DPP10: variants seen among roughly 807,000 people sequenced by gnomAD.
DPP10 encodes dipeptidyl peptidase like 10, also known as inactive dipeptidyl peptidase 10.
Under a neutral mutation model 120.9 loss-of-function variants are expected in DPP10, and 33 were observed. The ratio of observed to expected loss-of-function variants is 0.27; its 90% CI spans 0.21 to 0.37. DPP10 has a LOEUF of 0.37. Among genes scored for constraint, DPP10 ranks in the 10% least tolerant of loss-of-function variants. DPP10 has a pLI of 1.00. For missense variants in DPP10, 816 were observed against 942.8 expected (o/e 0.87, Z 1.76); for synonymous variants, 337 against 326.1 (o/e 1.03, Z -0.36).
chr2:115,786,364 G>A (rs1421939439), intron 17 of DPP10, among the ~76,000 whole-genome samples: 4 of 152,128 alleles, frequency 2.6e-5, no homozygotes, highest in African/African-American at 7.2e-5. Flanking sequence ...GGGGCAGACT[G>A]GAATTGGATT....
intron 3 of DPP10, among the ~76,000 whole-genome samples, chr2:115,421,056 A>T (rs2069902191): frequency 6.6e-6 from 1 of 151,440 alleles, no homozygotes; most frequent in Non-Finnish European, 1.5e-5. Flanking sequence ...CCAGAAGGCA[A>T]CCTTTCTACC....
intron 1 of DPP10, among the ~76,000 whole-genome samples, chr2:115,299,365 T>C (rs963034638): frequency 5.3e-5 from 8 of 151,898 alleles, no homozygotes; most frequent in South Asian, 2.1e-4. Flanking sequence ...AACAGGAAAG[T>C]ATGGTGTCAC....
At chr2:115,015,086 G>A (rs575937793) in intron 1 of DPP10, among the ~76,000 whole-genome samples, 6 of 152,126 alleles carry the variant, frequency 3.9e-5, no homozygotes, top group East Asian at 1.9e-4. Context: ...GATGAACATC[G>A]ATGCGAAAAT....
chr2:114,995,973 A>G (rs891865376), intron 1 of DPP10, among the ~76,000 whole-genome samples: 2 of 152,242 alleles, frequency 1.3e-5, no homozygotes, highest in African/African-American at 4.8e-5. Context: ...CACTCAAGAT[A>G]GGGACTGTGG....
chr2:115,589,315 A>G (rs545579237), intron 5 of DPP10, among the ~76,000 whole-genome samples: 2 of 152,162 alleles, frequency 1.3e-5, no homozygotes, highest in African/African-American at 4.8e-5. Flanking sequence ...ACATGCTTTA[A>G]TGTTGTCTGA....
At chr2:115,554,101 C>T (rs1354155112) in intron 5 of DPP10, among the ~76,000 whole-genome samples, 2 of 150,916 alleles carry the variant, frequency 1.3e-5, no homozygotes, top group Admixed American at 6.6e-5. Context: ...TGCTTTAATA[C>T]CAGTGATTAC....
intron 21 of DPP10, among the ~76,000 whole-genome samples, chr2:115,822,059 A>T (rs1687871585): frequency 6.6e-6 from 1 of 151,988 alleles, no homozygotes; most frequent in African/African-American, 2.4e-5. Context: ...TTTTAAAATC[A>T]TCCACAACTG....
chr2:115,740,188 G>A lies in DPP10; in HGVS notation c.852+295G>A, dbSNP rs149568778. Among the ~76,000 whole-genome samples, 724 of 151,986 alleles carry A rather than the reference G, an allele frequency of 4.8e-3. 6 individuals carry two copies. The highest frequency in any genetic ancestry group is 0.016 in the African/African-American group (647 of 41,460). ...GAAAGGGGAGAGAGAAGCAATTGGG[G>A]GTGTACTGAGGCCAGGGCAATGTTT... On this transcript the variant is annotated intron_variant, in intron 9 of 25. Transcript: ENST00000410059.
At chr2:114,735,331 C>T (rs1187776971) in intron 1 of DPP10, among the ~76,000 whole-genome samples, 3 of 152,068 alleles carry the variant, frequency 2.0e-5, no homozygotes, top group Non-Finnish European at 2.9e-5. Flanking sequence ...TTGGCACCAG[C>T]GAATTTTTAC....
intron 7 of DPP10, among the ~76,000 whole-genome samples, chr2:115,723,498 T>C (rs917277138): frequency 3.9e-5 from 6 of 152,332 alleles, no homozygotes; most frequent in Admixed American, 1.3e-4. Context: ...ATGATGAGTT[T>C]TCATCTTGAC....
At chr2:115,738,336 C>T (rs1172920188) in intron 8 of DPP10, among the ~76,000 whole-genome samples, 1 of 152,102 alleles carries the variant, frequency 6.6e-6, no homozygotes, top group East Asian at 1.9e-4. Context: ...ATCATGGTTT[C>T]AAGCTTTCTT....
chr2:114,954,537 C>T (rs1272571797), intron 1 of DPP10, among the ~76,000 whole-genome samples: 4 of 151,860 alleles, frequency 2.6e-5, no homozygotes, highest in African/African-American at 7.3e-5. Flanking sequence ...CCTAACATTA[C>T]ACCTCTAGGA....
In DPP10 at chr2:114,881,453, G is replaced by GTCTATCTATCTA. The variant is rs767939067; in HGVS notation, c.61-427783_61-427782insATCTATCTATCT. On this transcript the variant is annotated intron_variant, in intron 1 of 25. Transcript: ENST00000410059. ...CCTATCTTTACCTATCTGTCTGTCTGTCTGTCTATCTATCTATCTATCTAT... is the reference window on the plus strand; with the variant it reads ...CCTATCTTTACCTATCTGTCTGTCTGTCTATCTATCTATCTGTCTATCTATCTATCTATCTAT... 4.8e-3 allele frequency among the ~76,000 whole-genome samples: 215 copies of GTCTATCTATCTA among 44,918 alleles called. 1 individual carries two copies. Among genetic ancestry groups the GTCTATCTATCTA allele is most frequent in the Middle Eastern group, 0.013 (1 of 76 alleles). 29.5% of individuals were successfully genotyped at this position (44,918 alleles called of 152,430 possible).
At chr2:115,729,913 C>CA (rs1167414020) in intron 8 of DPP10, among the ~76,000 whole-genome samples, 3 of 152,056 alleles carry the variant, frequency 2.0e-5, no homozygotes, top group Non-Finnish European at 2.9e-5. Flanking sequence ...TAACAATTTG[C>CA]AAAAACCCAC....
At chr2:115,354,356 G>C (rs1484884292) in intron 3 of DPP10, among the ~76,000 whole-genome samples, 3 of 151,992 alleles carry the variant, frequency 2.0e-5, no homozygotes, top group Non-Finnish European at 4.4e-5. Context: ...ATTTTCACCA[G>C]TGTCTAACAT....
intron 5 of DPP10, among the ~76,000 whole-genome samples, chr2:115,676,819 G>A (rs982990585): frequency 4.6e-5 from 7 of 152,148 alleles, no homozygotes; most frequent in Admixed American, 3.9e-4. Context: ...AAGATGTGTG[G>A]CATGCAGATA....
intron 1 of DPP10, among the ~76,000 whole-genome samples, chr2:114,947,296 AT>A (rs906570399): frequency 4.0e-5 from 6 of 149,856 alleles, no homozygotes; most frequent in African/African-American, 1.2e-4. Flanking sequence ...ACAAATTTTA[AT>A]TTTTTTTTCT....
At chr2:115,393,081 G>A (rs1188252891) in intron 3 of DPP10, among the ~76,000 whole-genome samples, 3 of 152,136 alleles carry the variant, frequency 2.0e-5, no homozygotes, top group African/African-American at 7.2e-5. Flanking sequence ...GGGAGGCTGA[G>A]GTGGGCAGTT....
chr2:114,598,734 C>T (rs1692127016), intron 1 of DPP10, among the ~76,000 whole-genome samples: 1 of 151,832 alleles, frequency 6.6e-6, no homozygotes, highest in Non-Finnish European at 1.5e-5. Flanking sequence ...CATTGATGGT[C>T]TTAGCTGGTT....
Sources: allele counts gnomAD v4.1 joint callset (sites outside exome capture counted in the v4.1 genomes callset), GRCh38; gene constraint gnomAD v4.1.1; transcripts MANE v1.5; gene names NCBI Gene and HGNC (gene_info 2026-07-23, HGNC 2026-07-21).